BTG4: variants seen among roughly 807,000 people sequenced by gnomAD.
BTG4 encodes BTG anti-proliferation factor 4, also known as protein BTG4.
In BTG4, 10 loss-of-function variants were observed where a neutral mutation model predicts 19.3. The ratio of observed to expected loss-of-function variants is 0.52; its 90% CI spans 0.32 to 0.88. The LOEUF (loss-of-function observed/expected upper bound fraction) is 0.88. BTG4 is among the 40% of genes least tolerant of loss of function. The pLI, the probability that BTG4 is intolerant of heterozygous loss-of-function variation, is 0.04. For synonymous variants in BTG4, 91 were observed against 95.7 expected (o/e 0.95, Z 0.29); for missense variants, 238 against 281.9 (o/e 0.84, Z 1.11).
chr11:111,466,069 T>A (rs1863703293), downstream of BTG4, among the ~76,000 whole-genome samples: 1 of 152,126 alleles, frequency 6.6e-6, no homozygotes, highest in African/African-American at 2.4e-5. Context: ...ATTTTGAGAG[T>A]AATTTTATAT....
the BTG4 span, chr11:111,397,985 C>T: frequency 2.0e-5 from 3 of 152,180 alleles, no homozygotes; most frequent in African/African-American, 4.8e-5. Flanking sequence ...ACTTCCCCTA[C>T]CACAACCTTA....
the BTG4 span, chr11:111,414,611 TC>T: frequency 6.6e-6 from 1 of 152,262 alleles, no homozygotes; most frequent in Non-Finnish European, 1.5e-5. Context: ...CTTATGATTC[TC>T]TCCCACAGAC....
At chr11:111,514,482 A>G (rs1264024750), upstream of BTG4, 2 of 391,490 alleles carry the variant, frequency 5.1e-6, no homozygotes, top group East Asian at 1.1e-4. Flanking sequence ...GGGAGGGGAG[A>G]GGATGTGGCA....
At chr11:111,399,720 C>A in the BTG4 span, among the ~76,000 whole-genome samples, 2 of 152,130 alleles carry the variant, frequency 1.3e-5, no homozygotes, top group Non-Finnish European at 2.9e-5. Context: ...AGAGTGAACT[C>A]CAAATTTACT....
At chr11:111,454,197 T>C in the BTG4 span, 3 of 434,576 alleles carry the variant, frequency 6.9e-6, no homozygotes, top group Non-Finnish European at 9.1e-6. Context: ...CATATTTGCA[T>C]TTCAGGAGGA....
the BTG4 span, chr11:111,451,499 C>T: frequency 2.4e-6 from 1 of 418,536 alleles, no homozygotes; most frequent in South Asian, 1.6e-5. Context: ...GGTGTGGTGG[C>T]TCACACCTGT....
chr11:111,428,923 G>A, the BTG4 span, among the ~76,000 whole-genome samples: 7 of 152,282 alleles, frequency 4.6e-5, no homozygotes, highest in East Asian at 1.9e-4. Context: ...ATAATTAAGC[G>A]AATGTGCAAT....
chr11:111,415,775 T>G, the BTG4 span: 11,147 of 152,450 alleles, frequency 0.073, 432 homozygotes, highest in Admixed American at 0.082. Context: ...GTGCAGTGGC[T>G]CATGCCTGTA....
At chr11:111,467,273 G>A (rs1477703224), downstream of BTG4, among the ~76,000 whole-genome samples, 2 of 152,148 alleles carry the variant, frequency 1.3e-5, no homozygotes, top group Non-Finnish European at 2.9e-5. Flanking sequence ...CAGCCAAAAA[G>A]GCAGAGCCAA....
At chr11:111,413,061 A>G in the BTG4 span, among the ~76,000 whole-genome samples, 9 of 152,326 alleles carry the variant, frequency 5.9e-5, no homozygotes, top group Non-Finnish European at 1.3e-4. Flanking sequence ...GTCAGAGGCC[A>G]CTGGGGTAAG....
intron 5 of BTG4, among the ~76,000 whole-genome samples, chr11:111,488,782 A>T (rs1386676706): frequency 1.3e-5 from 2 of 152,202 alleles, no homozygotes; most frequent in Non-Finnish European, 2.9e-5. Context: ...CAAAAAATCC[A>T]AACAGGCATT....
chr11:111,407,021 C>T, the BTG4 span, among the ~76,000 whole-genome samples: 1 of 152,142 alleles, frequency 6.6e-6, no homozygotes, highest in African/African-American at 2.4e-5. Flanking sequence ...AACAATCACA[C>T]TTACCTTGAA....
downstream of BTG4, chr11:111,467,418 G>T (rs959206297): frequency 2.3e-6 from 1 of 434,644 alleles, no homozygotes; most frequent in African/African-American, 2.1e-5. Context: ...TGTATACTAA[G>T]CCTACTTACC....
chr11:111,474,877 G>T (rs1287564648), intron 5 of BTG4, among the ~76,000 whole-genome samples: 1 of 152,050 alleles, frequency 6.6e-6, no homozygotes, highest in East Asian at 1.9e-4. Context: ...AAATTTCCCA[G>T]ATGACCAATG....
chr11:111,498,529 T>A (rs1417391870), intron 2 of BTG4, 75 bp downstream of exon 2: 1 of 1,313,934 alleles, frequency 7.6e-7, no homozygotes, highest in Non-Finnish European at 1.1e-6. Flanking sequence ...GAAAACAAGA[T>A]CACTCCATTT....
At chr11:111,383,883 C>A in the BTG4 span, among the ~76,000 whole-genome samples, 1 of 152,190 alleles carries the variant, frequency 6.6e-6, no homozygotes, top group Non-Finnish European at 1.5e-5. Flanking sequence ...CTCTTCAGAT[C>A]ATATTCCATG....
upstream of BTG4, chr11:111,514,470 G>C (rs897139988): frequency 2.7e-5 from 10 of 376,882 alleles, no homozygotes; most frequent in African/African-American, 1.7e-4. Flanking sequence ...TATCTTTCTG[G>C]GGGGAGGGGA....
intron 1 of BTG4, among the ~76,000 whole-genome samples, chr11:111,504,559 C>T (rs752498340): frequency 1.3e-5 from 2 of 151,874 alleles, no homozygotes; most frequent in Non-Finnish European, 1.5e-5. Flanking sequence ...ATTTATATAA[C>T]GTTTCAAGTT....
the BTG4 span, among the ~76,000 whole-genome samples, chr11:111,454,735 GGC>G: frequency 6.6e-6 from 1 of 151,806 alleles, no homozygotes; most frequent in Admixed American, 6.6e-5. Flanking sequence ...ACCAAAACTG[GGC>G]CAGGGCTTCC....
Sources: allele counts gnomAD v4.1 joint callset (sites outside exome capture counted in the v4.1 genomes callset), GRCh38; gene constraint gnomAD v4.1.1; transcripts MANE v1.5; gene names NCBI Gene and HGNC (gene_info 2026-07-23, HGNC 2026-07-21).